MAP4K5: variants seen among roughly 807,000 people sequenced by gnomAD.
MAP4K5 encodes MAPK/ERK kinase kinase kinase 5.
In MAP4K5, 82 loss-of-function variants were observed where a neutral mutation model predicts 135.6. That is an observed-to-expected ratio of 0.60 (90% CI 0.51 to 0.73). The LOEUF is 0.73. MAP4K5 is among the 30% of genes least tolerant of loss of function. MAP4K5 has a pLI of 0.00. For missense variants in MAP4K5, 907 were observed against 1,010.9 expected (o/e 0.90, Z 1.39); for synonymous variants, 347 against 335.0 (o/e 1.04, Z -0.39).
intron 3 of MAP4K5, among the ~76,000 whole-genome samples, chr14:50,500,588 G>C (rs1010024327): frequency 6.6e-6 from 1 of 152,172 alleles, no homozygotes; most frequent in Non-Finnish European, 1.5e-5. Flanking sequence ...AAGCTTCAGG[G>C]AAGTGTTAAG....
intron 20 of MAP4K5, 102 bp downstream of exon 20, chr14:50,443,627 G>C (rs528872657): frequency 1.1e-6 from 1 of 906,748 alleles, no homozygotes; most frequent in East Asian, 2.7e-5. Context: ...TGTATTTTAT[G>C]ATATCTTAAC....
chr14:50,481,758 G>T lies in MAP4K5; in HGVS notation c.378+603C>A, dbSNP rs573941738. 5.2e-4 allele frequency among the ~76,000 whole-genome samples: 79 copies of T among 152,154 alleles called. 1 individual carries two copies. The highest frequency in any genetic ancestry group is 6.3e-4 in the Non-Finnish European group (43 of 67,984). On this transcript the variant is annotated intron_variant, in intron 6 of 32. Transcript: ENST00000682126. ...CATAACCCATTTTAGCATACTAAAA[G>T]TTCTCACAGGCCCTGAAGTAAAGAA...
At chr14:50,503,778 T>A (rs556238486) in intron 3 of MAP4K5, among the ~76,000 whole-genome samples, 2 of 152,202 alleles carry the variant, frequency 1.3e-5, no homozygotes, top group East Asian at 3.9e-4. Flanking sequence ...TTGTTTTCTC[T>A]GAGAGCACAC....
intron 31 of MAP4K5, among the ~76,000 whole-genome samples, chr14:50,423,701 C>G (rs1443432032): frequency 6.6e-6 from 1 of 152,020 alleles, no homozygotes; most frequent in East Asian, 1.9e-4. Flanking sequence ...CCCAGGAGTT[C>G]AAGGATACAG....
At position 50,437,463 on chromosome 14, in the gene MAP4K5, A is replaced by G. The variant is rs531064493; in HGVS notation, c.1882+13T>C. ...GTTCTAACCATTCAGTTTGAGAAAT[A>G]CCATTTACTCACCTATGCAACATTT... is the stretch of plus-strand genomic sequence containing the variant. On this transcript the variant is annotated intron_variant, in intron 26 of 32. Transcript: ENST00000682126. 2.6e-4 allele frequency: 411 copies of G among 1,581,586 alleles called. 9 individuals carry two copies. In the South Asian group the frequency reaches 4.2e-3, roughly 16 times the overall value.
rs2036340896 is a variant in MAP4K5, at chr14:50,446,089, A to G, written c.1175T>C (p.Leu392Pro). 6.4e-7 allele frequency: 1 copy of G among 1,568,050 alleles called. No homozygotes were observed. The highest frequency in any genetic ancestry group is 8.6e-7 in the Non-Finnish European group (1 of 1,158,766). Residue 392 changes from leucine (L) to proline (P), a missense_variant, in exon 17 of 33, where the codon CTA (leucine) becomes CCA (proline). Coordinates refer to ENST00000682126, the MANE Select transcript of MAP4K5 (RefSeq NM_006575.6). Reference protein sequence around the residue: ...STSKRAIPPPLPPKPRISSYP... With the variant: ...STSKRAIPPPPPPKPRISSYP... ...CATTAAGTAGCTCACCTTAGGAGGT[A>G]GGGGAGGTGGTATTGCACGTTTTGA...
intron 30 of MAP4K5, among the ~76,000 whole-genome samples, chr14:50,426,232 G>A (rs183586783): frequency 7.8e-4 from 118 of 152,146 alleles, no homozygotes; most frequent in Middle Eastern, 3.4e-3. Context: ...CTTCTGATAA[G>A]GTGGATGTTG....
intron 11 of MAP4K5, 51 bp from the exon 12 acceptor site, chr14:50,464,184 G>T: frequency 1.1e-6 from 1 of 893,738 alleles, no homozygotes; most frequent in Admixed American, 2.2e-5. Context: ...TTACGTTTCG[G>T]TGTTAGTAAA....
intron 11 of MAP4K5, among the ~76,000 whole-genome samples, chr14:50,464,377 G>C (rs1368256762): frequency 6.6e-6 from 1 of 152,082 alleles, no homozygotes; most frequent in Non-Finnish European, 1.5e-5. Context: ...AAATAGATAG[G>C]CTGTGTCATT....
intron 21 of MAP4K5, among the ~76,000 whole-genome samples, chr14:50,441,743 TACACAC>T (rs57651486): frequency 0.024 from 3,397 of 141,552 alleles, 66 homozygotes; most frequent in East Asian, 0.11. Flanking sequence ...AATTATTTTA[TACACAC>T]ACACACACAC....
At chr14:50,541,631 G>T (rs369019793) in intron 2 of MAP4K5, among the ~76,000 whole-genome samples, 1 of 152,132 alleles carries the variant, frequency 6.6e-6, no homozygotes, top group Non-Finnish European at 1.5e-5. Flanking sequence ...TAGGCTTTAG[G>T]ATTCAGCAGA....
rs398077753 is a variant in MAP4K5 at position 50,473,716 on chromosome 14, C to CTTTTTTT, written c.542+1354_542+1360dup. Among the ~76,000 whole-genome samples, 64 of 95,466 alleles carry CTTTTTTT rather than the reference C, an allele frequency of 6.7e-4. 3 individuals are homozygous for CTTTTTTT. The highest frequency in any genetic ancestry group is 2.3e-3 in the African/African-American group (50 of 21,286). 62.6% of individuals were successfully genotyped at this position (95,466 alleles called of 152,430 possible). ...GTTACTGATGGCTCTTTTGGTTTCA[C>CTTTTTTT]TTTTTTTTTTTTTTTTTTTTTTTTT... On this transcript the variant is annotated intron_variant, in intron 9 of 32. Coordinates refer to ENST00000682126, the MANE Select transcript of MAP4K5 (RefSeq NM_006575.6).
chr14:50,554,128 CA>C (rs2140164496), intron 1 of MAP4K5, among the ~76,000 whole-genome samples: 1 of 151,552 alleles, frequency 6.6e-6, no homozygotes, highest in Admixed American at 6.6e-5. Context: ...TTTTAATCCA[CA>C]AAAACCAATA....
chr14:50,490,852 C>T (rs1406060342), intron 3 of MAP4K5, among the ~76,000 whole-genome samples: 14 of 152,080 alleles, frequency 9.2e-5, no homozygotes, highest in Admixed American at 9.2e-4. Context: ...ATTATTAATG[C>T]CACACTCAAA....
At chr14:50,428,864 C>A in intron 29 of MAP4K5, 110 bp from the exon 30 acceptor site, 1 of 672,256 alleles carries the variant, frequency 1.5e-6, no homozygotes, top group Non-Finnish European at 2.5e-6. Context: ...TAATAAAGTT[C>A]AACTATTTAT....
At chr14:50,445,321 T>G (rs913153896) in intron 17 of MAP4K5, 127 bp from the exon 18 acceptor site, 75 of 709,246 alleles carry the variant, frequency 1.1e-4, no homozygotes, top group Non-Finnish European at 1.6e-4. Context: ...GTGAGCAAAG[T>G]AAGAGGTGAG....
At chr14:50,497,494 A>G (rs2037619406) in intron 3 of MAP4K5, among the ~76,000 whole-genome samples, 1 of 152,234 alleles carries the variant, frequency 6.6e-6, no homozygotes, top group African/African-American at 2.4e-5. Context: ...ATACCACGTA[A>G]CCTGAATAGA....
At chr14:50,489,323 G>A (rs1462049941) in intron 3 of MAP4K5, among the ~76,000 whole-genome samples, 1 of 152,176 alleles carries the variant, frequency 6.6e-6, no homozygotes, top group Non-Finnish European at 1.5e-5. Flanking sequence ...ACTTCAGACT[G>A]GGGAACAGAG....
chr14:50,560,108 C>T lies in MAP4K5; in HGVS notation c.-180+932G>A, dbSNP rs2038816647. 1.1e-5 allele frequency: 9 copies of T among 807,036 alleles called. No individual in the cohort carries two copies. The Admixed American group carries it at 1.7e-4, about 15-fold the overall frequency. 50.0% of individuals were successfully genotyped at this position (807,036 alleles called of 1,614,324 possible). A position where few individuals can be genotyped will look rare whatever the true frequency, so the allele number is the denominator to read the frequency against. On this transcript the variant is annotated intron_variant, in intron 1 of 8. Coordinates refer to the MAP4K5 transcript ENST00000555216. ...CATCTGCTTTCTCCTCCCTTTTCCT[C>T]CCCACTCCTTCCCACCAGCGCCACA...
Sources: allele counts gnomAD v4.1 joint callset (sites outside exome capture counted in the v4.1 genomes callset), GRCh38; gene constraint gnomAD v4.1.1; transcripts MANE v1.5; gene names NCBI Gene and HGNC (gene_info 2026-07-23, HGNC 2026-07-21).